The following EFCAB3 variants were observed in gnomAD, a reference collection of about 807,000 sequenced individuals.
The protein encoded by EFCAB3 is EF-hand calcium binding domain 3, also known as EF-hand calcium-binding domain-containing protein 3.
In EFCAB3, 36 loss-of-function variants were observed where a neutral mutation model predicts 42.2. That is an observed-to-expected ratio of 0.85 (90% CI 0.65 to 1.13). The LOEUF is 1.13. Among genes scored for constraint, EFCAB3 ranks in the 50% most tolerant of loss-of-function variants. EFCAB3 has a pLI of 0.00. For synonymous variants in EFCAB3, 170 were observed against 172.8 expected (o/e 0.98, Z 0.13); for missense variants, 418 against 505.1 (o/e 0.83, Z 1.65).
intron 8 of EFCAB3, among the ~76,000 whole-genome samples, chr17:62,407,787 G>A (rs2070461345): frequency 6.6e-6 from 1 of 152,202 alleles, no homozygotes; most frequent in Non-Finnish European, 1.5e-5. Flanking sequence ...AAACTCTCAA[G>A]AGGCTCTGGC....
chr17:62,408,035 T>A (rs924925994), intron 8 of EFCAB3, among the ~76,000 whole-genome samples: 1 of 152,182 alleles, frequency 6.6e-6, no homozygotes, highest in African/African-American at 2.4e-5. Context: ...CAGGCAAATA[T>A]CATTGAGAAG....
intron 2 of EFCAB3, among the ~76,000 whole-genome samples, chr17:62,386,797 GT>G (rs141144491): frequency 4.7e-5 from 7 of 150,366 alleles, no homozygotes; most frequent in African/African-American, 1.7e-4. Flanking sequence ...TTTGGGGTTT[GT>G]TTTTTTTTGA....
Position 62,416,232 on chromosome 17 carries a change from A to G in EFCAB3, c.1220A>G (p.His407Arg), listed in dbSNP as rs367545911. Residue 407 changes from histidine (H) to arginine (R), a missense_variant, in exon 10 of 10, where the codon CAT becomes CGT. Coordinates refer to ENST00000305286, the MANE Select transcript of EFCAB3 (RefSeq NM_173503.4). The stretch of plus-strand genomic sequence containing the variant: ...GCCTATGTGAATAGAAATTCCTCCC[A>G]TAACTCCAGATCCTCTTCCTCATCA... The part of the protein sequence containing the change: ...YDAYVNRNSS[H>R]NSRSSSSSDT... 1 of 1,613,926 alleles carries G rather than the reference A, an allele frequency of 6.2e-7. No individual in the cohort carries two copies. The highest frequency in any genetic ancestry group is 2.2e-5 in the East Asian group (1 of 44,876).
chr17:62,375,489 T>A (rs958472045), intron 2 of EFCAB3, among the ~76,000 whole-genome samples: 5 of 152,204 alleles, frequency 3.3e-5, no homozygotes, highest in African/African-American at 9.6e-5. Context: ...CAAGAAAGTT[T>A]AGCAATGACC....
chr17:62,391,697 A>G lies in EFCAB3; in HGVS notation c.152-125A>G, dbSNP rs2144078234. Reference sequence around the variant, plus strand: ...TATAAGAAATGTCTATTAAGCACTCATTTTTTTCGCAATCCTTTTTTTAGA... The same window carrying G: ...TATAAGAAATGTCTATTAAGCACTCGTTTTTTTCGCAATCCTTTTTTTAGA... On this transcript the variant is annotated intron_variant, in intron 3 of 9. Transcript: ENST00000305286. 3.7e-6 allele frequency: 4 copies of G among 1,080,610 alleles called. No individual in the cohort carries two copies. The East Asian group carries it at 9.9e-5, about 27-fold the overall frequency. 66.9% of individuals were successfully genotyped at this position (1,080,610 alleles called of 1,614,324 possible).
chr17:62,400,031 G>A (rs1363996023), intron 6 of EFCAB3, among the ~76,000 whole-genome samples: 2 of 151,882 alleles, frequency 1.3e-5, no homozygotes, highest in African/African-American at 4.8e-5. Flanking sequence ...AAACCTGTGA[G>A]GTAGGTCCTA....
intron 4 of EFCAB3, 97 bp from the exon 5 acceptor site, chr17:62,393,476 T>C: frequency 1.0e-6 from 1 of 955,816 alleles, no homozygotes; most frequent in East Asian, 2.7e-5. Context: ...TTTTTAATAT[T>C]GAATCATCCA....
At chr17:62,413,121 A>T (rs959746076) in intron 8 of EFCAB3, among the ~76,000 whole-genome samples, 6 of 152,214 alleles carry the variant, frequency 3.9e-5, no homozygotes, top group African/African-American at 7.2e-5. Flanking sequence ...ATTTTTAAAT[A>T]AAAAGATATT....
At chr17:62,393,714 C>T (rs778789606) in intron 5 of EFCAB3, 70 bp downstream of exon 5, 80 of 1,361,188 alleles carry the variant, frequency 5.9e-5, no homozygotes, top group Non-Finnish European at 7.5e-5. Flanking sequence ...ACATCATTCA[C>T]AGGCTTCCAG....
chr17:62,376,239 G>A (rs1598003247), upstream of EFCAB3, among the ~76,000 whole-genome samples: 2 of 152,224 alleles, frequency 1.3e-5, no homozygotes, highest in South Asian at 4.1e-4. Flanking sequence ...TTGGGAGACC[G>A]AGGCAGGTGA....
intron 3 of EFCAB3, 149 bp from the exon 4 acceptor site, chr17:62,391,673 A>T (rs760813195): frequency 1.2e-6 from 1 of 805,034 alleles, no homozygotes; most frequent in Non-Finnish European, 1.9e-6. Context: ...ACTGTCCTTT[A>T]TAAGAAATGT....
In EFCAB3 at chr17:62,395,200, G is replaced by A. The variant is rs1351029419; in HGVS notation, c.488+12G>A. 1 of 1,608,580 alleles carries A rather than the reference G, an allele frequency of 6.2e-7. No individual in the cohort carries two copies. The highest frequency in any genetic ancestry group is 1.1e-5 in the South Asian group (1 of 89,884). On this transcript the variant is annotated intron_variant, in intron 6 of 9. Coordinates refer to ENST00000305286, the MANE Select transcript of EFCAB3 (RefSeq NM_173503.4). Reference sequence around the variant, plus strand: ...ATAGAAATAGTAAGGTAAGTGAGAAGGAAAGGAGCAAAAACAGCCTTCTCA... The same window carrying A: ...ATAGAAATAGTAAGGTAAGTGAGAAAGAAAGGAGCAAAAACAGCCTTCTCA...
chr17:62,377,875 T>TG (rs1394400096), upstream of EFCAB3: 1 of 997,958 alleles, frequency 1.0e-6, no homozygotes, highest in African/African-American at 1.6e-5. Flanking sequence ...TTCACTCATC[T>TG]GGGGAAAAAA....
intron 4 of EFCAB3, 124 bp from the exon 5 acceptor site, chr17:62,393,449 A>G (rs982981123): frequency 2.7e-6 from 2 of 734,690 alleles, no homozygotes; most frequent in East Asian, 2.8e-5. Flanking sequence ...GCATATTTCC[A>G]GCCCTCAAAT....
chr17:62,381,507 G>A lies in EFCAB3; in HGVS notation c.-18+894G>A, dbSNP rs1228394851. On this transcript the variant is annotated intron_variant, in intron 1 of 9. Transcript: ENST00000305286. ...AAACTATGCCAAGTGGAAAGGCGAC[G>A]GTAATTCACAAGTTCCTTCCGGGGT... 2.0e-5 allele frequency among the ~76,000 whole-genome samples: 3 copies of A among 151,986 alleles called. No individual in the cohort carries two copies. The East Asian group carries it at 5.8e-4, about 29-fold the overall frequency.
chr17:62,387,800 A>G (rs1421302), intron 3 of EFCAB3, among the ~76,000 whole-genome samples: 21,690 of 152,262 alleles, frequency 0.14, 1,653 homozygotes, highest in South Asian at 0.27. Flanking sequence ...TATTCATCCA[A>G]ACAACAAATA....
intron 3 of EFCAB3, among the ~76,000 whole-genome samples, chr17:62,389,015 A>T (rs945922983): frequency 2.6e-5 from 4 of 152,230 alleles, no homozygotes; most frequent in Non-Finnish European, 5.9e-5. Flanking sequence ...ATCCCTAGAA[A>T]CAGGGCACAG....
chr17:62,386,814 G>A (rs114394460), intron 2 of EFCAB3, among the ~76,000 whole-genome samples: 6,061 of 151,698 alleles, frequency 0.04, 402 homozygotes, highest in African/African-American at 0.14. Context: ...TTTGAGATAG[G>A]GTCTCACTCT....
In EFCAB3 at chr17:62,393,560, A is replaced by C; in HGVS notation, c.296-13A>C. The stretch of plus-strand genomic sequence containing the variant: ...ATCTTATCCTTGTCCTGAGTCTCAG[A>C]TTTTTGTTGCAGGAGATGGGAAGGT... On this transcript the variant is annotated splice_polypyrimidine_tract_variant and intron_variant, in intron 4 of 9. Coordinates refer to ENST00000305286, the MANE Select transcript of EFCAB3 (RefSeq NM_173503.4). 6.2e-7 allele frequency: 1 copy of C among 1,612,056 alleles called. No individual in the cohort carries two copies. The highest frequency in any genetic ancestry group is 8.5e-7 in the Non-Finnish European group (1 of 1,178,184).
Sources: allele counts gnomAD v4.1 joint callset (sites outside exome capture counted in the v4.1 genomes callset), GRCh38; gene constraint gnomAD v4.1.1; transcripts MANE v1.5; gene names NCBI Gene and HGNC (gene_info 2026-07-23, HGNC 2026-07-21).